The following MYO16 variants were observed in gnomAD, a reference collection of about 807,000 sequenced individuals.
MYO16 encodes unconventional myosin-XVI.
MYO16 carries 94 observed loss-of-function variants against 205.3 expected under a neutral mutation model. The ratio of observed to expected loss-of-function variants is 0.46; its 90% CI spans 0.39 to 0.54. The LOEUF is 0.54. MYO16 is among the 20% of genes least tolerant of loss of function. The probability of loss-of-function intolerance (pLI) is 0.00; values close to 1 mark genes in which losing one functional copy is unlikely to be tolerated. For synonymous variants in MYO16, 988 were observed against 954.0 expected (o/e 1.04, Z -0.66); for missense variants, 2,315 against 2,387.5 (o/e 0.97, Z 0.63).
At position 108,665,913 on chromosome 13, in the gene MYO16, G is replaced by A. The variant is rs866013580; in HGVS notation, c.56G>A (p.Arg19Gln). 5.0e-6 allele frequency: 8 copies of A among 1,613,610 alleles called. No individual in the cohort carries two copies. The East Asian group carries it at 1.6e-4, about 31-fold the overall frequency. The part of the protein sequence containing the change: ...CCCFQLCNVF[R>Q]SHEMEIDQCL... Reference sequence around the variant, plus strand: ...TGCTTTCAGCTATGTAACGTTTTTCGATCCCATGAGATGGAAATCGACCAG... The same window carrying A: ...TGCTTTCAGCTATGTAACGTTTTTCAATCCCATGAGATGGAAATCGACCAG... The change falls in exon 2 of 35, where the codon CGA becomes CAA. Residue 19 changes from arginine to glutamine, a missense_variant. Arg to Gln is a conservative substitution (Grantham distance 43). Transcript: ENST00000457511.
the MYO16 span, among the ~76,000 whole-genome samples, chr13:108,500,240 TG>T: frequency 2.9e-3 from 23 of 7,902 alleles, 6 homozygotes; most frequent in East Asian, 0.011. Context: ...TTGTTTTTTT[TG>T]TTTTTTTTTT....
At chr13:109,149,069 G>A (rs951870864) in intron 32 of MYO16, among the ~76,000 whole-genome samples, 4 of 152,188 alleles carry the variant, frequency 2.6e-5, no homozygotes, top group African/African-American at 9.7e-5. Flanking sequence ...TTGTTAGCTT[G>A]ATGACAAGGC....
chr13:108,667,562 G>A (rs978558529), intron 2 of MYO16, among the ~76,000 whole-genome samples: 16 of 152,152 alleles, frequency 1.1e-4, no homozygotes, highest in African/African-American at 2.9e-4. Context: ...TGAGCACATC[G>A]AAGGTAGGGA....
the MYO16 span, among the ~76,000 whole-genome samples, chr13:108,563,870 T>C: frequency 5.3e-5 from 8 of 152,190 alleles, no homozygotes; most frequent in African/African-American, 1.9e-4. Flanking sequence ...GCAGTGGGAT[T>C]GCTGAATCAT....
intron 8 of MYO16, among the ~76,000 whole-genome samples, chr13:108,820,767 C>T (rs1875926326): frequency 1.3e-5 from 2 of 152,118 alleles, no homozygotes; most frequent in African/African-American, 4.8e-5. Flanking sequence ...CTACCAAATA[C>T]ATGCTTATCC....
intron 9 of MYO16, among the ~76,000 whole-genome samples, chr13:108,825,406 C>T (rs1359186032): frequency 6.6e-6 from 1 of 151,248 alleles, no homozygotes; most frequent in Admixed American, 6.6e-5. Flanking sequence ...TGATAAGGGG[C>T]AAGTACCAAA....
At chr13:108,507,981 T>A in the MYO16 span, among the ~76,000 whole-genome samples, 1 of 151,370 alleles carries the variant, frequency 6.6e-6, no homozygotes, top group Non-Finnish European at 1.5e-5. Context: ...AGTCCAGAAA[T>A]TTTTTTTTAA....
intron 4 of MYO16, among the ~76,000 whole-genome samples, chr13:108,753,383 A>AAAAACAAAAAC (rs1885313709): frequency 6.8e-6 from 1 of 147,726 alleles, no homozygotes; most frequent in African/African-American, 2.7e-5. Context: ...AAAAAAAAAA[A>AAAAACAAAAAC]AAAAAAAAAA....
chr13:108,616,823 A>G (rs143189051), intron 1 of MYO16, among the ~76,000 whole-genome samples: 55 of 152,262 alleles, frequency 3.6e-4, no homozygotes, highest in Non-Finnish European at 6.5e-4. Context: ...TGAATATGAA[A>G]AGAGGAAAAG....
intron 2 of MYO16, among the ~76,000 whole-genome samples, chr13:108,676,372 CGTGTGTGTGTGTGTGTGT>C (rs35790433): frequency 7.6e-6 from 1 of 131,672 alleles, no homozygotes; most frequent in Non-Finnish European, 1.6e-5. Context: ...TATATGTACG[CGTGTGTGTGTGTGTGTGT>C]GTGTGTGTGT....
At chr13:108,662,911 G>A (rs955260385) in intron 1 of MYO16, among the ~76,000 whole-genome samples, 3 of 152,162 alleles carry the variant, frequency 2.0e-5, no homozygotes, top group Non-Finnish European at 4.4e-5. Context: ...GGGACACAGT[G>A]AGCTCCCAGG....
the MYO16 span, among the ~76,000 whole-genome samples, chr13:108,507,786 T>G: frequency 6.6e-6 from 1 of 152,294 alleles, no homozygotes; most frequent in East Asian, 1.9e-4. Context: ...CATAAGTATC[T>G]TATGATTTCT....
At chr13:109,022,678 A>G (rs62647038) in intron 23 of MYO16, among the ~76,000 whole-genome samples, 122,491 of 123,294 alleles carry the variant, frequency 0.99, 60,845 homozygotes, top group Middle Eastern at 1. Flanking sequence ...TTATATATAC[A>G]CATATAAACA....
At chr13:108,588,530 T>G in the MYO16 span, among the ~76,000 whole-genome samples, 1 of 152,164 alleles carries the variant, frequency 6.6e-6, no homozygotes, top group Non-Finnish European at 1.5e-5. Context: ...AAGGTATTTA[T>G]TAAGAGCCAG....
the MYO16 span, among the ~76,000 whole-genome samples, chr13:108,502,631 A>G: frequency 1.1e-3 from 162 of 152,336 alleles, no homozygotes; most frequent in African/African-American, 3.6e-3. Context: ...AAACTGTAGC[A>G]TGTGGTACTG....
chr13:108,948,093 G>T (rs975227167), intron 16 of MYO16, among the ~76,000 whole-genome samples: 1 of 152,194 alleles, frequency 6.6e-6, no homozygotes, highest in Non-Finnish European at 1.5e-5. Context: ...TAGTTAATAT[G>T]TTTCAGATAG....
chr13:108,984,822 T>C (rs1017714053), intron 20 of MYO16, among the ~76,000 whole-genome samples: 3 of 152,154 alleles, frequency 2.0e-5, no homozygotes, highest in Middle Eastern at 3.2e-3. Context: ...CCTATCCTTA[T>C]GTTAATGTGC....
chr13:108,518,511 T>C, the MYO16 span, among the ~76,000 whole-genome samples: 2 of 152,252 alleles, frequency 1.3e-5, no homozygotes, highest in Non-Finnish European at 2.9e-5. Flanking sequence ...CAGCCTCAAA[T>C]AGCAAAATCC....
intron 33 of MYO16, among the ~76,000 whole-genome samples, chr13:109,178,590 G>A (rs1879322134): frequency 6.6e-6 from 1 of 152,148 alleles, no homozygotes; most frequent in African/African-American, 2.4e-5. Context: ...TCATTTTGTT[G>A]GGTTCTTATT....
Sources: gnomAD v4.1 joint callset for allele counts (sites outside exome capture counted in the v4.1 genomes callset) on GRCh38, gnomAD v4.1.1 for gene constraint, MANE v1.5 for transcripts, NCBI Gene and HGNC (gene_info 2026-07-23, HGNC 2026-07-21) for gene names.